Variants in NRG1 observed in about 807,000 individuals in gnomAD.
The protein encoded by NRG1 is pro-neuregulin-1, membrane-bound isoform.
In NRG1, 18 loss-of-function variants were observed where a neutral mutation model predicts 63.8. The ratio of observed to expected loss-of-function variants is 0.28; its 90% CI spans 0.19 to 0.42. The LOEUF (loss-of-function observed/expected upper bound fraction) is 0.42, where lower values mean the gene tolerates loss of function less well. Among genes scored for constraint, NRG1 ranks in the 10% least tolerant of loss-of-function variants. NRG1 has a pLI of 1.00. For synonymous variants in NRG1, 302 were observed against 301.3 expected (o/e 1.00, Z -0.02); for missense variants, 762 against 814.7 (o/e 0.94, Z 0.79).
At chr8:32,713,200 A>G (rs1818244160) in intron 5 of NRG1, among the ~76,000 whole-genome samples, 2 of 152,148 alleles carry the variant, frequency 1.3e-5, no homozygotes, top group African/African-American at 4.8e-5. Context: ...TATTGCTGCT[A>G]TGATAGTCCT....
intron 1 of NRG1, among the ~76,000 whole-genome samples, chr8:32,158,448 G>GATAGATATATATATATATATATATAT (rs1491221971): frequency 1.2e-3 from 72 of 62,160 alleles, no homozygotes; most frequent in South Asian, 2.8e-3. Context: ...TGGTTTACAT[G>GATAGATATATATATATATATATATAT]ATATATATAT....
chr8:32,726,341 C>A (rs1822185311), intron 5 of NRG1, among the ~76,000 whole-genome samples: 1 of 151,740 alleles, frequency 6.6e-6, no homozygotes, highest in African/African-American at 2.4e-5. Flanking sequence ...TTTGCCAATT[C>A]CTTTATCTAG....
chr8:32,214,077 G>T (rs971971996), intron 1 of NRG1, among the ~76,000 whole-genome samples: 2 of 152,150 alleles, frequency 1.3e-5, no homozygotes, highest in Non-Finnish European at 2.9e-5. Context: ...ACTCCTAAGG[G>T]TCTAGAGTTG....
intron 7 of NRG1, among the ~76,000 whole-genome samples, chr8:32,743,464 TTAAA>T (rs1402401033): frequency 6.6e-6 from 1 of 151,050 alleles, no homozygotes; most frequent in Non-Finnish European, 1.5e-5. Context: ...TGTTATTTGT[TTAAA>T]TATTTATTTT....
chr8:32,385,521 T>C (rs1413766891), intron 1 of NRG1, among the ~76,000 whole-genome samples: 1 of 152,122 alleles, frequency 6.6e-6, no homozygotes, highest in Non-Finnish European at 1.5e-5. Context: ...CTGCTTGGTT[T>C]CTGGGGAGGC....
At chr8:32,182,086 C>A (rs969201646) in intron 1 of NRG1, among the ~76,000 whole-genome samples, 2 of 152,154 alleles carry the variant, frequency 1.3e-5, no homozygotes, top group Admixed American at 6.6e-5. Context: ...CAAGGATCAG[C>A]TGAGGTTGGC....
At chr8:31,740,332 A>G (rs1486638925) in intron 1 of NRG1, among the ~76,000 whole-genome samples, 2 of 151,980 alleles carry the variant, frequency 1.3e-5, no homozygotes, top group Non-Finnish European at 2.9e-5. Flanking sequence ...GTTAATTTCA[A>G]TTTCATCTAT....
chr8:32,090,973 C>T (rs1228887829), intron 1 of NRG1, among the ~76,000 whole-genome samples: 2 of 152,160 alleles, frequency 1.3e-5, no homozygotes, highest in Non-Finnish European at 2.9e-5. Flanking sequence ...ACTTCCATTT[C>T]CTCTTTTGTC....
chr8:32,291,533 C>CA (rs770385101), intron 1 of NRG1, among the ~76,000 whole-genome samples: 1 of 98,034 alleles, frequency 1.0e-5, no homozygotes, highest in East Asian at 3.1e-4. Flanking sequence ...TTTTTATCCA[C>CA]TTTTTTTTTT....
At chr8:31,804,344 T>C (rs1822071311) in intron 1 of NRG1, among the ~76,000 whole-genome samples, 1 of 152,186 alleles carries the variant, frequency 6.6e-6, no homozygotes, top group African/African-American at 2.4e-5. Flanking sequence ...TCACTTTTAA[T>C]TGGCATCCTC....
intron 1 of NRG1, among the ~76,000 whole-genome samples, chr8:32,404,092 G>T (rs1468293196): frequency 7.2e-5 from 11 of 152,216 alleles, no homozygotes; most frequent in Non-Finnish European, 1.6e-4. Flanking sequence ...GGATAAAGAA[G>T]GTCCTGGTCA....
intron 1 of NRG1, among the ~76,000 whole-genome samples, chr8:32,458,775 A>G (rs1278470238): frequency 6.6e-6 from 1 of 152,162 alleles, no homozygotes; most frequent in Non-Finnish European, 1.5e-5. Flanking sequence ...GAGGCTTACA[A>G]TTATTCTGGA....
chr8:32,231,623 G>T (rs1306302966), intron 1 of NRG1, among the ~76,000 whole-genome samples: 3 of 151,908 alleles, frequency 2.0e-5, no homozygotes, highest in Non-Finnish European at 4.4e-5. Context: ...TTTTTCAGCT[G>T]GGCACAGTGG....
chr8:31,853,081 C>G (rs1249275083), intron 1 of NRG1, among the ~76,000 whole-genome samples: 1 of 151,928 alleles, frequency 6.6e-6, no homozygotes, highest in Non-Finnish European at 1.5e-5. Flanking sequence ...TCAGGATTGA[C>G]TTGGCGATGC....
chr8:32,276,698 C>A (rs2129472875), intron 1 of NRG1, among the ~76,000 whole-genome samples: 1 of 152,198 alleles, frequency 6.6e-6, no homozygotes, highest in Admixed American at 6.5e-5. Context: ...GAGGAAGGTT[C>A]TCCCTGTGTT....
At chr8:32,538,138 C>T (rs894047352) in intron 1 of NRG1, among the ~76,000 whole-genome samples, 1 of 152,148 alleles carries the variant, frequency 6.6e-6, no homozygotes, top group Admixed American at 6.5e-5. Context: ...AGGTGTGAGC[C>T]ACTGCGCTCA....
At chr8:32,340,867 C>T (rs145326604) in intron 1 of NRG1, among the ~76,000 whole-genome samples, 1 of 152,336 alleles carries the variant, frequency 6.6e-6, no homozygotes, top group East Asian at 1.9e-4. Context: ...TTTCATGGAA[C>T]ACAGCCATGC....
intron 1 of NRG1, among the ~76,000 whole-genome samples, chr8:31,861,360 G>A (rs1828455824): frequency 6.6e-6 from 1 of 152,122 alleles, no homozygotes; most frequent in African/African-American, 2.4e-5. Flanking sequence ...CTAGAGGGCT[G>A]TGAACATTCC....
At chr8:31,978,624 T>C (rs1808582369) in intron 1 of NRG1, among the ~76,000 whole-genome samples, 4 of 152,104 alleles carry the variant, frequency 2.6e-5, no homozygotes, top group Admixed American at 6.6e-5. Context: ...ATGTTTAATA[T>C]CCTACAAAGA....
Sources: gnomAD v4.1 joint callset for allele counts (sites outside exome capture counted in the v4.1 genomes callset) on GRCh38, gnomAD v4.1.1 for gene constraint, MANE v1.5 for transcripts, NCBI Gene and HGNC (gene_info 2026-07-23, HGNC 2026-07-21) for gene names.